The following ALG6 variants were observed in gnomAD, a reference collection of about 807,000 sequenced individuals.
ALG6 encodes the protein dolichyl pyrophosphate Man9GlcNAc2 alpha-1,3-glucosyltransferase.
Under a neutral mutation model 66.6 loss-of-function variants are expected in ALG6, and 46 were observed. The observed-to-expected ratio is 0.69, with a 90% CI of 0.55 to 0.88. The LOEUF (loss-of-function observed/expected upper bound fraction) is 0.88, where lower values mean the gene tolerates loss of function less well. Ranked by LOEUF, ALG6 falls within the 40% of genes least tolerant of loss-of-function variation. The pLI, the probability that ALG6 is intolerant of heterozygous loss-of-function variation, is 0.00. For missense variants in ALG6, 505 were observed against 586.8 expected, an observed-to-expected ratio of 0.86 and a Z score of 1.44; for synonymous variants, 185 against 203.7, an observed-to-expected ratio of 0.91 and a Z score of 0.78.
At chr1:63,429,997 C>T (rs983491642) in intron 14 of ALG6, among the ~76,000 whole-genome samples, 3 of 152,092 alleles carry the variant, frequency 2.0e-5, no homozygotes, top group African/African-American at 7.2e-5. Flanking sequence ...ATTCTCCTGC[C>T]TCAGCCTCCC....
chr1:63,401,725 T>A (rs1004258286), intron 3 of ALG6, among the ~76,000 whole-genome samples: 2 of 152,170 alleles, frequency 1.3e-5, no homozygotes, highest in East Asian at 1.9e-4. Flanking sequence ...TTATATAGTT[T>A]GGCTTGCACT....
chr1:63,421,090 A>G (rs1195076121), intron 12 of ALG6, among the ~76,000 whole-genome samples: 3 of 152,074 alleles, frequency 2.0e-5, no homozygotes, highest in Non-Finnish European at 4.4e-5. Flanking sequence ...TTAGAAGGTA[A>G]TAAATACCAT....
chr1:63,408,150 T>A (rs547241144), intron 7 of ALG6, among the ~76,000 whole-genome samples: 19 of 152,276 alleles, frequency 1.2e-4, no homozygotes, highest in Admixed American at 1.2e-3. Flanking sequence ...AAACTACCCT[T>A]GTACACCTCC....
intron 3 of ALG6, among the ~76,000 whole-genome samples, chr1:63,399,318 A>T (rs1192116092): frequency 6.6e-6 from 1 of 152,224 alleles, no homozygotes; most frequent in Admixed American, 6.5e-5. Context: ...ACAGAAGCAC[A>T]AGAGTGATAT....
chr1:63,369,891 T>C (rs1647855454), intron 1 of ALG6, among the ~76,000 whole-genome samples: 1 of 151,978 alleles, frequency 6.6e-6, no homozygotes, highest in Non-Finnish European at 1.5e-5. Flanking sequence ...CGATCTCGGC[T>C]CACTGCAACC....
chr1:63,416,368 A>C (rs928175769), intron 11 of ALG6, among the ~76,000 whole-genome samples: 2 of 152,110 alleles, frequency 1.3e-5, no homozygotes, highest in African/African-American at 2.4e-5. Context: ...TTTGAGCCCA[A>C]ATTTGAAAGT....
chr1:63,412,265 A>G (rs1459473467), intron 9 of ALG6, among the ~76,000 whole-genome samples: 2 of 152,094 alleles, frequency 1.3e-5, no homozygotes, highest in Non-Finnish European at 2.9e-5. Context: ...GGCTATTCGC[A>G]GGGGTAATCA....
intron 4 of ALG6, among the ~76,000 whole-genome samples, chr1:63,404,041 T>G (rs1288298781): frequency 6.6e-6 from 1 of 152,214 alleles, no homozygotes; most frequent in Non-Finnish European, 1.5e-5. Context: ...ATGCAGTGAT[T>G]TATGATTATT....
At chr1:63,422,277 A>C (rs11208212) in intron 12 of ALG6, among the ~76,000 whole-genome samples, 8,524 of 92,824 alleles carry the variant, frequency 0.092, 1,189 homozygotes, top group African/African-American at 0.16. Context: ...AAATATATAT[A>C]TAAATATATA....
At chr1:63,422,469 A>G (rs186329680) in intron 12 of ALG6, among the ~76,000 whole-genome samples, 32 of 123,104 alleles carry the variant, frequency 2.6e-4, no homozygotes, top group African/African-American at 8.3e-4. Context: ...ATAAATATAT[A>G]TATAAATATA....
At chr1:63,434,489 TAAG>T (rs1455900379) in intron 14 of ALG6, among the ~76,000 whole-genome samples, 1 of 152,232 alleles carries the variant, frequency 6.6e-6, no homozygotes, top group Non-Finnish European at 1.5e-5. Flanking sequence ...GTAGAGATAT[TAAG>T]AAGTACCTGG....
In ALG6 at chr1:63,415,977, A is replaced by G. The variant is rs1231574454; in HGVS notation, c.987+20A>G. 2.7e-6 allele frequency: 4 copies of G among 1,502,154 alleles called. No homozygotes were observed. The highest frequency in any genetic ancestry group is 3.7e-6 in the Non-Finnish European group (4 of 1,079,046). The allele number at this position is 1,502,154 out of a possible 1,614,324, so 93.1% of individuals were successfully genotyped here. A position where few individuals can be genotyped will look rare whatever the true frequency, so the allele number is the denominator to read the frequency against. On this transcript the variant is annotated intron_variant, in intron 11 of 14. Transcript: ENST00000263440. ...ACACTGGTAAGTTTTTCATTACTTT[A>G]GATACTTAATTCTTGCCACAACTGA... is the stretch of plus-strand genomic sequence containing the variant.
rs571338145 is a variant in ALG6 at position 63,400,086 on chromosome 1, C to T, written c.168-2168C>T. ...GTGCATGCCTGTAATCCCAGCTACT[C>T]AGGAGGCTGAGGCAGGAGAATCGCT... On this transcript the variant is annotated intron_variant, in intron 3 of 14. Coordinates refer to ENST00000263440, the MANE Select transcript of ALG6 (RefSeq NM_013339.4). Among the ~76,000 whole-genome samples, 204 of 148,002 alleles carry T rather than the reference C, an allele frequency of 1.4e-3. 2 individuals are homozygous for T. The highest frequency in any genetic ancestry group is 4.9e-3 in the African/African-American group (195 of 39,956).
Position 63,393,954 on chromosome 1 carries a change from G to A in ALG6, c.83-2559G>A, listed in dbSNP as rs146050122. Among the ~76,000 whole-genome samples the A allele has an allele frequency of 1.8e-4, 28 of 152,304 alleles. No individual in the cohort carries two copies. The East Asian group carries it at 5.2e-3, about 28-fold the overall frequency. On this transcript the variant is annotated intron_variant, in intron 2 of 14. Coordinates refer to ENST00000263440, the MANE Select transcript of ALG6 (RefSeq NM_013339.4). ...GAGAGACAGAGACCCACACACATGCGTGTATACTATGGTTAATTTCTTGTG... is the reference window on the plus strand; with the variant it reads ...GAGAGACAGAGACCCACACACATGCATGTATACTATGGTTAATTTCTTGTG...
At chr1:63,431,717 A>G (rs549582343) in intron 14 of ALG6, among the ~76,000 whole-genome samples, 4 of 152,344 alleles carry the variant, frequency 2.6e-5, no homozygotes, top group East Asian at 1.9e-4. Context: ...TTTTCAGTGT[A>G]TAAGTTTTGG....
chr1:63,410,617 G>T (rs181731981), intron 7 of ALG6, among the ~76,000 whole-genome samples: 284 of 152,212 alleles, frequency 1.9e-3, no homozygotes, highest in African/African-American at 6.5e-3. Context: ...AGGAGAGGAG[G>T]TAAACATTAG....
At chr1:63,416,900 A>C (rs927959898) in intron 11 of ALG6, among the ~76,000 whole-genome samples, 1 of 152,208 alleles carries the variant, frequency 6.6e-6, no homozygotes, top group Non-Finnish European at 1.5e-5. Context: ...TACTGGACTT[A>C]TGTGAGGCAA....
chr1:63,402,871 C>T (rs1362890240), intron 4 of ALG6, among the ~76,000 whole-genome samples: 21 of 150,620 alleles, frequency 1.4e-4, no homozygotes, highest in African/African-American at 4.4e-4. Flanking sequence ...CCGAGGCGGG[C>T]GGATCACGAG....
Position 63,424,496 on chromosome 1 carries a change from A to C in ALG6, c.1059-4237A>C, listed in dbSNP as rs142378302. On this transcript the variant is annotated intron_variant, in intron 12 of 14. Transcript: ENST00000263440. Reference sequence around the variant, plus strand: ...TTTGAGTTTTAGGAGTTCTTTATGTATCCTGGGTACTAGCCTTTATCAGAT... The same window carrying C: ...TTTGAGTTTTAGGAGTTCTTTATGTCTCCTGGGTACTAGCCTTTATCAGAT... 4.6e-3 allele frequency among the ~76,000 whole-genome samples: 694 copies of C among 152,100 alleles called. 7 individuals are homozygous for C. The highest frequency in any genetic ancestry group is 0.016 in the African/African-American group (668 of 41,510).
Sources: gnomAD v4.1 joint callset for allele counts (sites outside exome capture counted in the v4.1 genomes callset) on GRCh38, gnomAD v4.1.1 for gene constraint, MANE v1.5 for transcripts, NCBI Gene and HGNC (gene_info 2026-07-23, HGNC 2026-07-21) for gene names.